ATP8A2: variants seen among roughly 807,000 people sequenced by gnomAD.
ATP8A2 encodes phospholipid-transporting ATPase IB.
A neutral mutation model predicts 165.6 loss-of-function variants in ATP8A2; 100 were observed. The ratio of observed to expected loss-of-function variants is 0.60; its 90% CI spans 0.51 to 0.71. The LOEUF (loss-of-function observed/expected upper bound fraction) is 0.71, where lower values mean the gene tolerates loss of function less well. Ranked by LOEUF, ATP8A2 falls within the 30% of genes least tolerant of loss-of-function variation. The probability of loss-of-function intolerance (pLI) is 0.00; values close to 1 mark genes in which losing one functional copy is unlikely to be tolerated. For synonymous variants in ATP8A2, 543 were observed against 548.8 expected (o/e 0.99, Z 0.15); for missense variants, 1,227 against 1,479.5 (o/e 0.83, Z 2.80).
intron 33 of ATP8A2, among the ~76,000 whole-genome samples, chr13:25,939,195 G>A (rs941117323): frequency 6.6e-6 from 1 of 152,034 alleles, no homozygotes; most frequent in Admixed American, 6.5e-5. Flanking sequence ...TCACCAGCGT[G>A]CTCCTTTTAC....
At chr13:25,675,993 A>T (rs1208575069) in intron 24 of ATP8A2, among the ~76,000 whole-genome samples, 1 of 152,186 alleles carries the variant, frequency 6.6e-6, no homozygotes, top group Admixed American at 6.5e-5. Flanking sequence ...TCCTGACTTG[A>T]TCCTTATTCT....
chr13:25,558,863 A>C (rs1159351404), intron 13 of ATP8A2, 110 bp from the exon 14 acceptor site: 11 of 657,998 alleles, frequency 1.7e-5, no homozygotes, highest in Non-Finnish European at 2.8e-5. Context: ...GCTTTAGGGA[A>C]ATCTACCCGT....
intron 2 of ATP8A2, among the ~76,000 whole-genome samples, chr13:25,472,411 A>C (rs968740977): frequency 7.1e-6 from 1 of 141,812 alleles, no homozygotes; most frequent in African/African-American, 2.8e-5. Context: ...AAAAAAAAAA[A>C]TTGATTATAA....
At position 25,581,243 on chromosome 13, in the gene ATP8A2, G is replaced by A. The variant is rs367609098; in HGVS notation, c.2008-576G>A. On this transcript the variant is annotated intron_variant, in intron 22 of 36. Transcript: ENST00000381655. ...TTTGCCCGACCAGCAGGCACAGTGC[G>A]GGCAGCTGGAGGGAACCAAACATCC... Among the ~76,000 whole-genome samples, 12 of 152,078 alleles carry A rather than the reference G, an allele frequency of 7.9e-5. No individual in the cohort carries two copies. The East Asian group carries it at 1.7e-3, about 22-fold the overall frequency.
intron 33 of ATP8A2, among the ~76,000 whole-genome samples, chr13:25,945,045 ACTTATG>A (rs1955175086): frequency 6.6e-6 from 1 of 152,162 alleles, no homozygotes; most frequent in Admixed American, 6.5e-5. Context: ...CCTGCCTCTC[ACTTATG>A]CCTGAGGCCA....
At chr13:25,905,662 G>A (rs556321404) in intron 33 of ATP8A2, among the ~76,000 whole-genome samples, 1 of 151,686 alleles carries the variant, frequency 6.6e-6, no homozygotes, top group East Asian at 1.9e-4. Context: ...GAGGCCACAG[G>A]TTGCAATCTA....
At chr13:25,430,460 A>G (rs2034577616) in intron 1 of ATP8A2, among the ~76,000 whole-genome samples, 1 of 152,196 alleles carries the variant, frequency 6.6e-6, no homozygotes, top group Non-Finnish European at 1.5e-5. Context: ...AAGACTTGTC[A>G]TTGACCTCGG....
intron 35 of ATP8A2, among the ~76,000 whole-genome samples, chr13:25,978,737 C>G (rs565827081): frequency 6.6e-6 from 1 of 152,108 alleles, no homozygotes; most frequent in South Asian, 2.1e-4. Flanking sequence ...GTCAGGAATT[C>G]GAGACCATCC....
chr13:25,503,048 C>A lies in ATP8A2; in HGVS notation c.222-26951C>A, dbSNP rs529313407. Among the ~76,000 whole-genome samples the A allele has an allele frequency of 2.6e-5, 4 of 152,212 alleles. No individual in the cohort carries two copies. In the South Asian group the frequency reaches 8.3e-4, roughly 32 times the overall value. The stretch of plus-strand genomic sequence containing the variant: ...TGTCATGGAGGTGTCCAAGCGGGGG[C>A]AGAATGTCCAGGACTAGGCGGGTGG... On this transcript the variant is annotated intron_variant, in intron 2 of 36. Coordinates refer to ENST00000381655, the MANE Select transcript of ATP8A2 (RefSeq NM_016529.6).
In ATP8A2 at chr13:25,817,354, G is replaced by C. The variant is rs868182369; in HGVS notation, c.2680-10764G>C. 3.6e-3 allele frequency among the ~76,000 whole-genome samples: 408 copies of C among 113,856 alleles called. 2 individuals are homozygous for C. Among genetic ancestry groups the C allele is most frequent in the African/African-American group, 0.011 (369 of 33,618 alleles). 74.7% of individuals were successfully genotyped at this position (113,856 alleles called of 152,430 possible). A position where few individuals can be genotyped will look rare whatever the true frequency, so the allele number is the denominator to read the frequency against. ...GGTCGGTATTATGGTCTTTTATGGG[G>C]GGGGGGGGAAACACGATTTTGTGTT... On this transcript the variant is annotated intron_variant, in intron 27 of 36. Transcript: ENST00000381655.
intron 1 of ATP8A2, among the ~76,000 whole-genome samples, chr13:25,392,184 T>TGGTGCA (rs1205191554): frequency 3.9e-5 from 6 of 152,374 alleles, no homozygotes; most frequent in African/African-American, 1.4e-4. Flanking sequence ...TCTGTTTCTT[T>TGGTGCA]GGTGCATACT....
chr13:25,408,074 TA>T (rs541770218), intron 1 of ATP8A2, among the ~76,000 whole-genome samples: 4 of 87,658 alleles, frequency 4.6e-5, no homozygotes, highest in Non-Finnish European at 5.1e-5. Context: ...GAACTTAAAG[TA>T]AAAAAATATA....
chr13:25,687,144 C>T (rs182264730), intron 24 of ATP8A2, among the ~76,000 whole-genome samples: 2 of 152,254 alleles, frequency 1.3e-5, no homozygotes, highest in East Asian at 3.9e-4. Context: ...GCAGAGTGCT[C>T]TGGCCGGGGT....
chr13:25,549,994 C>A lies in ATP8A2; in HGVS notation c.892-1344C>A, dbSNP rs374496529. Among the ~76,000 whole-genome samples, 139 of 152,210 alleles carry A rather than the reference C, an allele frequency of 9.1e-4. 3 individuals are homozygous for A. In the South Asian group the frequency reaches 0.023, roughly 26 times the overall value. ...TTTAATTTAATCCCATCCGCAAAGT[C>A]CCTTTTGCTGTATAAAATAGCACAC... is the stretch of plus-strand genomic sequence containing the variant. On this transcript the variant is annotated intron_variant, in intron 10 of 36. Transcript: ENST00000381655.
chr13:25,665,371 G>A (rs1398270437), intron 24 of ATP8A2, among the ~76,000 whole-genome samples: 3 of 152,106 alleles, frequency 2.0e-5, no homozygotes, highest in African/African-American at 4.8e-5. Flanking sequence ...GGAGGGAGGC[G>A]TGCCTGAGCT....
rs551631344 is a variant in ATP8A2, at chr13:25,675,547, G to C, written c.2212-23626G>C. 6.3e-4 allele frequency among the ~76,000 whole-genome samples: 96 copies of C among 152,268 alleles called. 1 individual carries two copies. The highest frequency in any genetic ancestry group is 2.3e-3 in the African/African-American group (95 of 41,564). ...AGATAGCTTTTTATTTTAATATTTT[G>C]GGAAATGGGATAACACAACCTTTTC... On this transcript the variant is annotated intron_variant, in intron 24 of 36. Transcript: ENST00000381655.
At chr13:25,598,334 G>A (rs2040292313) in intron 24 of ATP8A2, among the ~76,000 whole-genome samples, 1 of 152,002 alleles carries the variant, frequency 6.6e-6, no homozygotes, top group Non-Finnish European at 1.5e-5. Context: ...GTCGTTTCAG[G>A]ACCTTTGCAT....
At chr13:25,655,523 G>T (rs1036559608) in intron 24 of ATP8A2, among the ~76,000 whole-genome samples, 2 of 152,136 alleles carry the variant, frequency 1.3e-5, no homozygotes, top group African/African-American at 4.8e-5. Context: ...GAGATGGTAG[G>T]AAATAGTGAA....
intron 25 of ATP8A2, among the ~76,000 whole-genome samples, chr13:25,723,116 G>A (rs926853836): frequency 2.6e-5 from 4 of 152,210 alleles, no homozygotes; most frequent in African/African-American, 9.6e-5. Context: ...CAGATTTCAA[G>A]TGTTACATAT....
Sources: allele counts gnomAD v4.1 joint callset (sites outside exome capture counted in the v4.1 genomes callset), GRCh38; gene constraint gnomAD v4.1.1; transcripts MANE v1.5; gene names NCBI Gene and HGNC (gene_info 2026-07-23, HGNC 2026-07-21).